The following DCC variants were observed in gnomAD, a reference collection of about 807,000 sequenced individuals.
DCC encodes DCC netrin 1 receptor.
A neutral mutation model predicts 172.5 loss-of-function variants in DCC; 58 were observed. The ratio of observed to expected loss-of-function variants is 0.34; its 90% CI spans 0.27 to 0.42. The LOEUF (loss-of-function observed/expected upper bound fraction) is 0.42, where lower values mean the gene tolerates loss of function less well. DCC is among the 10% of genes least tolerant of loss of function. The pLI, the probability that DCC is intolerant of heterozygous loss-of-function variation, is 1.00. For missense variants in DCC, 1,740 were observed against 1,791.0 expected, an observed-to-expected ratio of 0.97 and a Z score of 0.51; for synonymous variants, 709 against 644.5, an observed-to-expected ratio of 1.10 and a Z score of -1.52.
chr18:52,966,912 G>C (rs866583082), intron 5 of DCC, among the ~76,000 whole-genome samples: 1 of 152,132 alleles, frequency 6.6e-6, no homozygotes, highest in Non-Finnish European at 1.5e-5. Context: ...GTTGACATGC[G>C]TCTTTCCTGC....
At chr18:52,785,890 T>C (rs758338123) in intron 2 of DCC, among the ~76,000 whole-genome samples, 42 of 152,112 alleles carry the variant, frequency 2.8e-4, no homozygotes, top group Non-Finnish European at 4.4e-4. Flanking sequence ...CCAACTATTA[T>C]TTTTAGGACA....
intron 12 of DCC, among the ~76,000 whole-genome samples, chr18:53,262,914 A>G (rs566602175): frequency 2.0e-5 from 3 of 152,238 alleles, no homozygotes; most frequent in Admixed American, 6.5e-5. Context: ...GGAATGAAAC[A>G]TTAAAAATAT....
intron 12 of DCC, among the ~76,000 whole-genome samples, chr18:53,302,361 A>G (rs760403709): frequency 2.0e-5 from 3 of 152,128 alleles, no homozygotes; most frequent in Non-Finnish European, 2.9e-5. Context: ...CCCATTTCCA[A>G]TCAAAACCCA....
intron 12 of DCC, among the ~76,000 whole-genome samples, chr18:53,217,846 A>G (rs1482991217): frequency 2.0e-5 from 3 of 151,568 alleles, no homozygotes; most frequent in South Asian, 4.2e-4. Context: ...GGGTGTTTTT[A>G]TTTTTTTTAT....
At chr18:53,339,555 G>C (rs957656459) in intron 14 of DCC, among the ~76,000 whole-genome samples, 158 bp from the exon 15 acceptor site, 6 of 152,124 alleles carry the variant, frequency 3.9e-5, no homozygotes, top group Non-Finnish European at 8.8e-5. Context: ...ATCAAACATA[G>C]AAAATATATC....
At chr18:52,821,953 A>C (rs1276207754) in intron 2 of DCC, among the ~76,000 whole-genome samples, 4 of 152,206 alleles carry the variant, frequency 2.6e-5, no homozygotes, top group Admixed American at 2.6e-4. Context: ...CAATAAGACA[A>C]ATATTTTGGG....
chr18:53,207,722 A>T lies in DCC; in HGVS notation c.1766A>T (p.Lys589Ile). Residue 589 changes from lysine to isoleucine, a missense_variant, in exon 11 of 29, where the codon AAA becomes ATA. Physicochemically the swap from Lys to Ile is moderately radical, Grantham distance 102. This residue lies in a region of DCC where 1,732 missense variants were observed against 1,767.4 expected (regional missense o/e 0.98). Coordinates refer to ENST00000442544, the MANE Select transcript of DCC (RefSeq NM_005215.4). The part of the protein sequence containing the change: ...DGLSYKLEGL[K>I]KFTEYSLRFL... The stretch of plus-strand genomic sequence containing the variant: ...CTATCTTATAAACTGGAAGGCCTGA[A>T]AAAATTCACCGAATATAGTCTTCGA... 1 of 1,613,668 alleles carries T rather than the reference A, an allele frequency of 6.2e-7. No individual in the cohort carries two copies.
In DCC at chr18:52,883,323, ATTTT is replaced by A. The variant is rs200552057; in HGVS notation, c.413-22718_413-22715del. ...TTGTTTTCTGTTTTATTTTTATTTT[ATTTT>A]TTATTTATTTATTTATTTATTTATG... On this transcript the variant is annotated intron_variant, in intron 2 of 28. Coordinates refer to ENST00000442544, the MANE Select transcript of DCC (RefSeq NM_005215.4). Among the ~76,000 whole-genome samples the A allele has an allele frequency of 1.1e-3, 129 of 116,566 alleles. 1 individual carries two copies. The highest frequency in any genetic ancestry group is 4.2e-3 in the African/African-American group (121 of 28,746). The allele number at this position is 116,566 out of a possible 152,430, so 76.5% of individuals were successfully genotyped here. A position where few individuals can be genotyped will look rare whatever the true frequency, so the allele number is the denominator to read the frequency against.
At chr18:52,723,187 T>G (rs183409502) in intron 1 of DCC, among the ~76,000 whole-genome samples, 104 of 152,348 alleles carry the variant, frequency 6.8e-4, no homozygotes, top group African/African-American at 2.5e-3. Flanking sequence ...TGAACTCTCC[T>G]TATATTGTTT....
chr18:52,923,710 C>A lies in DCC; in HGVS notation c.701C>A (p.Pro234Gln), dbSNP rs751210422. 1 of 1,603,672 alleles carries A rather than the reference C, an allele frequency of 6.2e-7. No individual in the cohort carries two copies. Among genetic ancestry groups the A allele is most frequent in the Non-Finnish European group, 8.5e-7 (1 of 1,170,918 alleles). Residue 234 changes from proline to glutamine, a missense_variant, in exon 4 of 29, where the codon CCA (proline) becomes CAA (glutamine). By Grantham distance (76) the Pro-to-Gln change is moderately conservative (BLOSUM62 -1). Around this residue, in one of 2 missense-constraint regions of DCC, gnomAD observed 1,732 missense variants for 1,767.4 expected, o/e 0.98. Transcript: ENST00000442544. ...ATACTGTGTTTTCCCCTCATAGATC[C>A]AGGACTGCATAGACAGCTGTATTTT... is the stretch of plus-strand genomic sequence containing the variant. ...NEAEVRILSD[P>Q]GLHRQLYFLQ...
intron 8 of DCC, among the ~76,000 whole-genome samples, chr18:53,159,080 G>A (rs1257386380): frequency 2.0e-5 from 3 of 151,526 alleles, no homozygotes; most frequent in South Asian, 2.1e-4. Flanking sequence ...ACAGGCGTTC[G>A]TTTTAGTGTT....
At chr18:53,242,413 A>G (rs960946092) in intron 12 of DCC, among the ~76,000 whole-genome samples, 5 of 152,144 alleles carry the variant, frequency 3.3e-5, no homozygotes, top group Admixed American at 6.6e-5. Flanking sequence ...ATTATCTGAA[A>G]CATAGTATTT....
At chr18:52,583,793 A>C (rs1196833283) in intron 1 of DCC, among the ~76,000 whole-genome samples, 2 of 152,236 alleles carry the variant, frequency 1.3e-5, no homozygotes, top group Non-Finnish European at 2.9e-5. Context: ...TTAGGTTAGG[A>C]AAGGTTTGGA....
chr18:52,481,948 T>G (rs1333373075), intron 1 of DCC, among the ~76,000 whole-genome samples: 1 of 152,142 alleles, frequency 6.6e-6, no homozygotes, highest in African/African-American at 2.4e-5. Context: ...AAATGTATTG[T>G]TACTTTCCAG....
At chr18:53,451,698 T>C (rs975389614) in intron 23 of DCC, among the ~76,000 whole-genome samples, 1 of 147,934 alleles carries the variant, frequency 6.8e-6, no homozygotes, top group Admixed American at 6.8e-5. Flanking sequence ...CTGTTGCTAA[T>C]AGCTCGCTCT....
intron 2 of DCC, among the ~76,000 whole-genome samples, chr18:52,869,408 C>T (rs767965908): frequency 2.6e-5 from 4 of 152,186 alleles, no homozygotes; most frequent in African/African-American, 4.8e-5. Flanking sequence ...TTTTATGATC[C>T]TCAGAGTGGA....
At chr18:53,442,010 T>G (rs1159644700) in intron 22 of DCC, among the ~76,000 whole-genome samples, 1 of 152,242 alleles carries the variant, frequency 6.6e-6, no homozygotes, top group Non-Finnish European at 1.5e-5. Flanking sequence ...TAGGAGCTGA[T>G]GCTTAGCAAT....
At chr18:53,336,660 T>C (rs886745122) in intron 14 of DCC, among the ~76,000 whole-genome samples, 7 of 152,190 alleles carry the variant, frequency 4.6e-5, no homozygotes, top group African/African-American at 1.4e-4. Context: ...AAGACCAGCC[T>C]GAACAACATA....
rs533449370 is a variant in DCC, at chr18:53,161,857, C to T, written c.1418+4345C>T. Among the ~76,000 whole-genome samples the T allele has an allele frequency of 3.9e-5, 6 of 152,070 alleles. No individual in the cohort carries two copies. In the South Asian group the frequency reaches 1.2e-3, roughly 32 times the overall value. ...TATCCTGAATCCATGAAATAGTATA[C>T]CAGGTTTTGTTATAAAATAATATTG... On this transcript the variant is annotated intron_variant, in intron 8 of 28. Transcript: ENST00000442544.
Sources: allele counts gnomAD v4.1 joint callset (sites outside exome capture counted in the v4.1 genomes callset), GRCh38; gene constraint gnomAD v4.1.1; regional missense constraint gnomAD v4.1.1; transcripts MANE v1.5; gene names NCBI Gene and HGNC (gene_info 2026-07-23, HGNC 2026-07-21).